The following PCDH15 variants were observed in gnomAD, a reference collection of about 807,000 sequenced individuals.
PCDH15 encodes the protein protocadherin related 15.
A neutral mutation model predicts 178.5 loss-of-function variants in PCDH15; 129 were observed. That is an observed-to-expected ratio of 0.72 (90% CI 0.63 to 0.84). The LOEUF (loss-of-function observed/expected upper bound fraction) is 0.84. Ranked by LOEUF, PCDH15 falls within the 40% of genes least tolerant of loss-of-function variation. The pLI, the probability that PCDH15 is intolerant of heterozygous loss-of-function variation, is 0.00. For missense variants in PCDH15, 2,230 were observed against 2,099.9 expected (o/e 1.06, Z -1.21); for synonymous variants, 800 against 732.0 (o/e 1.09, Z -1.50).
intron 2 of PCDH15, chr10:54,607,057 A>G (rs1004142673): frequency 1.4e-5 from 2 of 144,906 alleles, no homozygotes; most frequent in African/African-American, 5.8e-5. Context: ...AGGTGGCTAG[A>G]AAGATTTATT....
Position 55,297,762 on chromosome 10 carries a change from T to G in PCDH15, c.-156+21837A>C, listed in dbSNP as rs183944243. Among the ~76,000 whole-genome samples, 914 of 152,202 alleles carry G rather than the reference T, an allele frequency of 6.0e-3. 3 individuals carry two copies. Among genetic ancestry groups the G allele is most frequent in the Admixed American group, 9.4e-3 (144 of 15,280 alleles). On this transcript the variant is annotated intron_variant, in intron 1 of 5. Transcript: ENST00000458638. ...GACCTCTAGGACCCTAGTAAGGGGC[T>G]GGGGCATGACTGAGAAAAGAATGAA...
At chr10:54,596,591 T>A (rs908076965) in intron 2 of PCDH15, among the ~76,000 whole-genome samples, 1 of 152,002 alleles carries the variant, frequency 6.6e-6, no homozygotes, top group Non-Finnish European at 1.5e-5. Flanking sequence ...CAAGATCAAA[T>A]ACACATTAAT....
chr10:53,830,837 T>TA (rs1460378719), intron 30 of PCDH15, among the ~76,000 whole-genome samples: 8 of 152,164 alleles, frequency 5.3e-5, no homozygotes, highest in Non-Finnish European at 2.9e-5. Context: ...GCTATGATTT[T>TA]ACAATGCTTT....
chr10:54,653,005 T>G (rs953858978), intron 2 of PCDH15, among the ~76,000 whole-genome samples: 1 of 152,242 alleles, frequency 6.6e-6, no homozygotes, highest in South Asian at 2.1e-4. Flanking sequence ...TTTCTTATAA[T>G]TTTATTAATG....
intron 26 of PCDH15, among the ~76,000 whole-genome samples, chr10:53,877,022 G>T (rs1321463258): frequency 6.6e-6 from 1 of 152,060 alleles, no homozygotes; most frequent in East Asian, 1.9e-4. Context: ...ATTAAAGAAA[G>T]AAACTAAAGA....
chr10:54,167,856 C>T (rs929263409), intron 13 of PCDH15, among the ~76,000 whole-genome samples: 13 of 151,606 alleles, frequency 8.6e-5, no homozygotes, highest in African/African-American at 2.9e-4. Context: ...GCCCCGACCC[C>T]TTATTTCTGT....
chr10:55,451,390 C>T (rs550789094), intron 2 of PCDH15, among the ~76,000 whole-genome samples: 16 of 151,894 alleles, frequency 1.1e-4, no homozygotes, highest in Admixed American at 8.5e-4. Flanking sequence ...CCAAGCTACT[C>T]GGGAACCTGA....
chr10:55,014,870 T>A (rs1840133590), intron 2 of PCDH15, among the ~76,000 whole-genome samples: 1 of 152,198 alleles, frequency 6.6e-6, no homozygotes, highest in Non-Finnish European at 1.5e-5. Flanking sequence ...CTTAAAACTA[T>A]TGTGTCGCCA....
intron 2 of PCDH15, among the ~76,000 whole-genome samples, chr10:55,622,698 A>C (rs1379100520): frequency 6.6e-6 from 1 of 152,220 alleles, no homozygotes; most frequent in East Asian, 1.9e-4. Context: ...TTATGAATTA[A>C]AGAAAAAGTA....
chr10:55,401,887 C>T (rs969023699), intron 2 of PCDH15, among the ~76,000 whole-genome samples: 3 of 151,902 alleles, frequency 2.0e-5, no homozygotes, highest in Admixed American at 1.3e-4. Flanking sequence ...TTAAACAAGG[C>T]AATATCCACA....
intron 2 of PCDH15, among the ~76,000 whole-genome samples, chr10:55,512,197 A>G (rs1840899763): frequency 1.3e-5 from 2 of 152,090 alleles, no homozygotes. Flanking sequence ...AAATTTAAAT[A>G]ATGTCTTGCT....
At chr10:55,300,444 G>C (rs1217072284) in intron 1 of PCDH15, among the ~76,000 whole-genome samples, 1 of 152,112 alleles carries the variant, frequency 6.6e-6, no homozygotes, top group Non-Finnish European at 1.5e-5. Flanking sequence ...AAAGGATTCT[G>C]AAAATCCCGC....
chr10:54,292,054 T>C (rs962408367), intron 8 of PCDH15, among the ~76,000 whole-genome samples: 5 of 152,282 alleles, frequency 3.3e-5, no homozygotes, highest in East Asian at 3.9e-4. Context: ...CTGATGAACA[T>C]TGATGCAAAA....
At chr10:54,408,868 C>T (rs945502921) in intron 3 of PCDH15, among the ~76,000 whole-genome samples, 8 of 152,126 alleles carry the variant, frequency 5.3e-5, no homozygotes, top group African/African-American at 1.4e-4. Context: ...CTTTCTGGAA[C>T]CAGGCATCTG....
chr10:54,017,176 A>C (rs571750501), intron 20 of PCDH15, among the ~76,000 whole-genome samples: 2 of 152,040 alleles, frequency 1.3e-5, no homozygotes, highest in Non-Finnish European at 2.9e-5. Context: ...GTTGTGTGCC[A>C]CCATGCCCAG....
chr10:53,937,684 G>A (rs564683955), intron 25 of PCDH15, among the ~76,000 whole-genome samples: 1 of 152,188 alleles, frequency 6.6e-6, no homozygotes, highest in South Asian at 2.1e-4. Flanking sequence ...TGAGGTTCAC[G>A]ATAAATGAAA....
intron 26 of PCDH15, among the ~76,000 whole-genome samples, chr10:53,880,965 GCTCT>G (rs572441513): frequency 1.3e-4 from 20 of 150,642 alleles, no homozygotes; most frequent in African/African-American, 3.9e-4. Flanking sequence ...TCTCCCTCGT[GCTCT>G]CTCTCTCTCT....
chr10:55,440,425 T>C (rs948497738), intron 2 of PCDH15, among the ~76,000 whole-genome samples: 19 of 152,182 alleles, frequency 1.2e-4, no homozygotes, highest in Admixed American at 6.5e-5. Flanking sequence ...ATTGTGGATT[T>C]TTAGTGGATA....
At position 54,042,740 on chromosome 10, in the gene PCDH15, A is replaced by G. The variant is rs564387610; in HGVS notation, c.2221-19543T>C. Among the ~76,000 whole-genome samples the G allele has an allele frequency of 8.5e-5, 13 of 152,270 alleles. No individual in the cohort carries two copies. In the South Asian group the frequency reaches 2.7e-3, roughly 32 times the overall value. ...TTCTGTTCTAACACAATGAGCATCC[A>G]CTGAAATGTCTGAGTGGCAAAATGG... On this transcript the variant is annotated intron_variant, in intron 18 of 37. Transcript: ENST00000644397.
Sources: gnomAD v4.1 joint callset for allele counts (sites outside exome capture counted in the v4.1 genomes callset) on GRCh38, gnomAD v4.1.1 for gene constraint, MANE v1.5 for transcripts, NCBI Gene and HGNC (gene_info 2026-07-23, HGNC 2026-07-21) for gene names.